The following SCN8A variants were observed in gnomAD, a reference collection of about 807,000 sequenced individuals.
SCN8A encodes the protein sodium channel protein type 8 subunit alpha.
A neutral mutation model predicts 184.1 loss-of-function variants in SCN8A; 30 were observed. That is an observed-to-expected ratio of 0.16 (90% CI 0.12 to 0.22). The LOEUF (loss-of-function observed/expected upper bound fraction) is 0.22, where lower values mean the gene tolerates loss of function less well. SCN8A is among the 10% of genes least tolerant of loss of function. The pLI is 1.00. For missense variants in SCN8A, 1,057 were observed against 2,498.9 expected (o/e 0.42, Z 12.30); for synonymous variants, 852 against 907.0 (o/e 0.94, Z 1.09).
At chr12:51,776,195 G>T (rs545191593) in intron 20 of SCN8A, among the ~76,000 whole-genome samples, 2 of 152,254 alleles carry the variant, frequency 1.3e-5, no homozygotes, top group Admixed American at 1.3e-4. Flanking sequence ...TCACCATGTT[G>T]CCCAGGCTGG....
At chr12:51,699,836 C>G in intron 7 of SCN8A, 45 bp downstream of exon 7, 3 of 1,521,770 alleles carry the variant, frequency 2.0e-6, no homozygotes, top group Non-Finnish European at 1.8e-6. Flanking sequence ...AAGTCTATTC[C>G]TAGTTCACAT....
chr12:51,802,058 A>AC (rs1377987348), intron 26 of SCN8A, among the ~76,000 whole-genome samples: 1 of 152,034 alleles, frequency 6.6e-6, no homozygotes, highest in Non-Finnish European at 1.5e-5. Flanking sequence ...CTGTCTCAAA[A>AC]AAAAAGAAAC....
chr12:51,694,994 A>T (rs1023390778), intron 6 of SCN8A, among the ~76,000 whole-genome samples: 1 of 152,182 alleles, frequency 6.6e-6, no homozygotes, highest in Non-Finnish European at 1.5e-5. Context: ...GCTGAGACCA[A>T]TGTATAGTTC....
intron 20 of SCN8A, chr12:51,780,332 C>G: frequency 2.6e-6 from 1 of 382,862 alleles, no homozygotes; most frequent in Non-Finnish European, 5.1e-6. Context: ...TCACTCTCTC[C>G]CTCTCCTGTC....
In SCN8A at chr12:51,810,254, TA is replaced by T. The variant is rs201910276; in HGVS notation, c.*2835del. On this transcript the variant is annotated 3_prime_UTR_variant, in exon 27 of 27. Transcript: ENST00000627620. ...CCGCTGTATTTGAAGTTTCACTTTT[TA>T]AAAAAAAAATGTTTCCCACCTTTTT... 793 of 235,990 alleles carry T rather than the reference TA, an allele frequency of 3.4e-3. No individual in the cohort carries two copies. Among genetic ancestry groups the T allele is most frequent in the South Asian group, 6.7e-3 (179 of 26,538 alleles). 14.6% of individuals were successfully genotyped at this position (235,990 alleles called of 1,614,324 possible). A position where few individuals can be genotyped will look rare whatever the true frequency, so the allele number is the denominator to read the frequency against.
intron 12 of SCN8A, chr12:51,722,210 A>G (rs778087192): frequency 2.3e-5 from 11 of 473,088 alleles, no homozygotes; most frequent in Non-Finnish European, 4.1e-5. Context: ...TCCCCTATCA[A>G]CTCCTTCCTT....
At chr12:51,677,500 G>A (rs1311107634) in intron 2 of SCN8A, among the ~76,000 whole-genome samples, 1 of 152,198 alleles carries the variant, frequency 6.6e-6, no homozygotes, top group Admixed American at 6.5e-5. Flanking sequence ...ATGACTGTGT[G>A]TGTTCATTGT....
intron 26 of SCN8A, among the ~76,000 whole-genome samples, chr12:51,802,425 C>T (rs940019300): frequency 6.6e-6 from 1 of 152,204 alleles, no homozygotes; most frequent in Non-Finnish European, 1.5e-5. Context: ...TATTCCAAGT[C>T]GCAGGGTCCC....
rs370610863 is a variant in SCN8A, at chr12:51,626,993, C to T, written c.-55+35634C>T. ...ATATTTAAAAAAACTCAAAAGTTTT[C>T]ATTTAGTTGTCTTTTTACTATTGCC... On this transcript the variant is annotated intron_variant, in intron 1 of 26. Transcript: ENST00000627620. 1.1e-4 allele frequency among the ~76,000 whole-genome samples: 17 copies of T among 152,034 alleles called. No individual in the cohort carries two copies. In the East Asian group the frequency reaches 1.7e-3, roughly 16 times the overall value.
chr12:51,780,974 AC>A (rs1937900089), intron 21 of SCN8A, among the ~76,000 whole-genome samples: 1 of 151,760 alleles, frequency 6.6e-6, no homozygotes, highest in South Asian at 2.1e-4. Context: ...TATTGGCCCC[AC>A]CCCCAACAAC....
chr12:51,738,371 C>T lies in SCN8A; in HGVS notation c.1999-7532C>T, dbSNP rs187280241. On this transcript the variant is annotated intron_variant, in intron 12 of 26. Transcript: ENST00000627620. ...AAAATATAACTACTTTGATATACTT[C>T]AGTGGCTTTACCAACTCCAACTATG... 9.8e-3 allele frequency among the ~76,000 whole-genome samples: 1,492 copies of T among 152,306 alleles called. 23 individuals are homozygous for T. Among genetic ancestry groups the T allele is most frequent in the African/African-American group, 0.034 (1,431 of 41,540 alleles).
chr12:51,700,359 A>T (rs1941667351), intron 7 of SCN8A, among the ~76,000 whole-genome samples: 1 of 152,088 alleles, frequency 6.6e-6, no homozygotes, highest in South Asian at 2.1e-4. Flanking sequence ...CAGGCTTAGA[A>T]GCTTGATAAA....
intron 2 of SCN8A, among the ~76,000 whole-genome samples, chr12:51,674,724 A>T (rs966834384): frequency 1.3e-5 from 2 of 152,236 alleles, no homozygotes; most frequent in Non-Finnish European, 2.9e-5. Context: ...TGGCAGCATC[A>T]TAACCACATT....
chr12:51,784,596 T>G (rs1451231321), intron 21 of SCN8A, among the ~76,000 whole-genome samples: 1 of 152,176 alleles, frequency 6.6e-6, no homozygotes, highest in Non-Finnish European at 1.5e-5. Flanking sequence ...TGGTTATGAT[T>G]AAAGTACATT....
At chr12:51,729,490 C>T (rs559083932) in intron 12 of SCN8A, among the ~76,000 whole-genome samples, 86 of 152,216 alleles carry the variant, frequency 5.6e-4, no homozygotes, top group African/African-American at 2.0e-3. Context: ...GTTTTATATA[C>T]CAGTAGTTCA....
intron 1 of SCN8A, among the ~76,000 whole-genome samples, chr12:51,608,226 G>A (rs1211381850): frequency 2.0e-5 from 3 of 151,768 alleles, no homozygotes; most frequent in African/African-American, 4.8e-5. Context: ...GTTTCACCAT[G>A]GTCTCCATCT....
chr12:51,641,912 C>T lies in SCN8A; in HGVS notation c.-54-20852C>T, dbSNP rs563486847. 2.0e-5 allele frequency among the ~76,000 whole-genome samples: 3 copies of T among 152,310 alleles called. No individual in the cohort carries two copies. In the South Asian group the frequency reaches 6.2e-4, roughly 32 times the overall value. On this transcript the variant is annotated intron_variant, in intron 1 of 26. Coordinates refer to ENST00000627620, the MANE Select transcript of SCN8A (RefSeq NM_001330260.2). Reference sequence around the variant, plus strand: ...GAAACCACACACACACACTCAAATCCAATTCCAAGAGACTTAAAGAACAAT... The same window carrying T: ...GAAACCACACACACACACTCAAATCTAATTCCAAGAGACTTAAAGAACAAT...
chr12:51,698,546 C>T (rs1039884445), intron 6 of SCN8A, among the ~76,000 whole-genome samples: 1 of 152,206 alleles, frequency 6.6e-6, no homozygotes, highest in African/African-American at 2.4e-5. Context: ...CGTAAAGACT[C>T]ATTTGGACCC....
intron 6 of SCN8A, among the ~76,000 whole-genome samples, chr12:51,694,739 G>A (rs1941565388): frequency 1.3e-5 from 2 of 152,174 alleles, no homozygotes; most frequent in Non-Finnish European, 2.9e-5. Flanking sequence ...CAGTGTCTCT[G>A]TATAGCCAGA....
Sources: allele counts gnomAD v4.1 joint callset (sites outside exome capture counted in the v4.1 genomes callset), GRCh38; gene constraint gnomAD v4.1.1; transcripts MANE v1.5; gene names NCBI Gene and HGNC (gene_info 2026-07-23, HGNC 2026-07-21).